STX8: variants seen among roughly 807,000 people sequenced by gnomAD.
STX8 encodes the protein syntaxin 8.
Under a neutral mutation model 37.5 loss-of-function variants are expected in STX8, and 23 were observed. The observed-to-expected ratio is 0.61, with a 90% confidence interval of 0.44 to 0.87. The LOEUF (loss-of-function observed/expected upper bound fraction) is 0.87. Ranked by LOEUF, STX8 falls within the 40% of genes least tolerant of loss-of-function variation. The pLI, the probability that STX8 is intolerant of heterozygous loss-of-function variation, is 0.00. For missense variants in STX8, 313 were observed against 284.7 expected, an observed-to-expected ratio of 1.10 and a Z score of -0.71; for synonymous variants, 115 against 99.1, an observed-to-expected ratio of 1.16 and a Z score of -0.95.
At chr17:9,524,400 G>A (rs1455752560) in intron 4 of STX8, among the ~76,000 whole-genome samples, 1 of 152,136 alleles carries the variant, frequency 6.6e-6, no homozygotes, top group Non-Finnish European at 1.5e-5. Flanking sequence ...CATGGGTGGT[G>A]CCTTCTACAT....
chr17:9,515,239 TAAAAAATTTTAA>T, intron 4 of STX8, among the ~76,000 whole-genome samples: 1 of 152,188 alleles, frequency 6.6e-6, no homozygotes, highest in Non-Finnish European at 1.5e-5. Context: ...CAGAAGGCAC[TAAAAAATTTTAA>T]ATAAATCTGT....
At chr17:9,396,707 A>T (rs887805202) in intron 6 of STX8, among the ~76,000 whole-genome samples, 3 of 142,500 alleles carry the variant, frequency 2.1e-5, no homozygotes, top group Non-Finnish European at 4.6e-5. Context: ...AGAGTGAAAC[A>T]CCATCTGAAA....
rs560874014 is a variant in STX8 at position 9,470,467 on chromosome 17, G to C, written c.541+21362C>G. ...CCACTTTGAGAAGCACATTCTCAGAGAACTCTGAGGATAAGCCAAGCTCAG... is the reference window on the plus strand; with the variant it reads ...CCACTTTGAGAAGCACATTCTCAGACAACTCTGAGGATAAGCCAAGCTCAG... On this transcript the variant is annotated intron_variant, in intron 6 of 7. Transcript: ENST00000306357. Among the ~76,000 whole-genome samples, 5 of 152,304 alleles carry C rather than the reference G, an allele frequency of 3.3e-5. No homozygotes were observed. In the East Asian group the frequency reaches 9.6e-4, roughly 29 times the overall value.
chr17:9,250,639 A>G lies in STX8; in HGVS notation c.650T>C (p.Ile217Thr). ...VDRKSASCGM[I>T]MVILLLLVAI... ...CACAAGCAGCAGTAAAATCACCATG[A>G]TCATCCCTGGAAAAAAGCAGCAGAA... is the stretch of plus-strand genomic sequence containing the variant. The change falls in exon 8 of 8, where the codon ATC (isoleucine) becomes ACC (threonine). Residue 217 changes from isoleucine to threonine, a missense_variant. By Grantham distance (89) the Ile-to-Thr change is moderately conservative. Transcript: ENST00000306357. 5 of 1,597,124 alleles carry G rather than the reference A, an allele frequency of 3.1e-6. No homozygotes were observed. Among genetic ancestry groups the G allele is most frequent in the Non-Finnish European group, 4.3e-6 (5 of 1,171,770 alleles).
intron 7 of STX8, among the ~76,000 whole-genome samples, chr17:9,270,461 A>G (rs191693071): frequency 6.6e-6 from 1 of 151,794 alleles, no homozygotes; most frequent in East Asian, 1.9e-4. Flanking sequence ...TCACCATGTT[A>G]GCCAGGAATG....
At chr17:9,530,250 G>T (rs1482801748) in intron 4 of STX8, among the ~76,000 whole-genome samples, 1 of 148,376 alleles carries the variant, frequency 6.7e-6, no homozygotes, top group Admixed American at 6.8e-5. Flanking sequence ...GGTGGGGCTT[G>T]CAGTGAGCCG....
At chr17:9,281,713 T>C (rs1187744026) in intron 7 of STX8, among the ~76,000 whole-genome samples, 1 of 152,128 alleles carries the variant, frequency 6.6e-6, no homozygotes, top group East Asian at 1.9e-4. Context: ...GCAGGTGGAT[T>C]ACCTGAGGTT....
At chr17:9,460,830 G>C (rs572827767) in intron 6 of STX8, among the ~76,000 whole-genome samples, 1 of 152,134 alleles carries the variant, frequency 6.6e-6, no homozygotes, top group Non-Finnish European at 1.5e-5. Context: ...CTTGGTAGCT[G>C]TGTGCCTTTC....
intron 7 of STX8, among the ~76,000 whole-genome samples, chr17:9,314,761 G>A (rs572285432): frequency 2.0e-5 from 3 of 150,706 alleles, no homozygotes; most frequent in East Asian, 4.0e-4. Context: ...CCCCCCAGCC[G>A]ACTGAATGGA....
intron 7 of STX8, among the ~76,000 whole-genome samples, chr17:9,329,138 T>G (rs1280603256): frequency 6.8e-6 from 1 of 147,734 alleles, no homozygotes; most frequent in Non-Finnish European, 1.5e-5. Flanking sequence ...TAAGGTGCTC[T>G]GGGATTCTGA....
chr17:9,331,626 G>A (rs990119510), intron 7 of STX8, among the ~76,000 whole-genome samples: 5 of 152,134 alleles, frequency 3.3e-5, no homozygotes, highest in Non-Finnish European at 7.3e-5. Context: ...TGAATTGGAC[G>A]TTTCCAAAAA....
chr17:9,345,056 T>TA (rs1910486339), intron 7 of STX8, among the ~76,000 whole-genome samples: 1 of 152,066 alleles, frequency 6.6e-6, no homozygotes, highest in African/African-American at 2.4e-5. Context: ...TTCCACAGGG[T>TA]AGCAGACGAG....
chr17:9,295,375 C>T (rs953919283), intron 7 of STX8, among the ~76,000 whole-genome samples: 3 of 152,162 alleles, frequency 2.0e-5, no homozygotes, highest in African/African-American at 7.2e-5. Flanking sequence ...GTCCTGGTCC[C>T]TAGCATGTAG....
At chr17:9,509,096 A>T (rs1030809657) in intron 4 of STX8, among the ~76,000 whole-genome samples, 3 of 152,134 alleles carry the variant, frequency 2.0e-5, no homozygotes, top group Non-Finnish European at 4.4e-5. Context: ...AAAATACAAA[A>T]AAATTAGCTG....
At chr17:9,327,088 C>T (rs988912237) in intron 7 of STX8, among the ~76,000 whole-genome samples, 3 of 150,072 alleles carry the variant, frequency 2.0e-5, no homozygotes, top group Non-Finnish European at 3.0e-5. Flanking sequence ...ACCTGGGAGG[C>T]GGAGGTTGCA....
rs137978304 is a variant in STX8 at position 9,265,816 on chromosome 17, G to A, written c.644-15171C>T. Among the ~76,000 whole-genome samples, 1,283 of 152,296 alleles carry A rather than the reference G, an allele frequency of 8.4e-3. 38 individuals are homozygous for A. The highest frequency in any genetic ancestry group is 0.053 in the Admixed American group (808 of 15,296). On this transcript the variant is annotated intron_variant, in intron 7 of 7. Coordinates refer to ENST00000306357, the MANE Select transcript of STX8 (RefSeq NM_004853.3). ...GTCCTAGTGTGTGTTTGTTGGGGGCGCTGGAGGGGGGCTTCAGTGTGTGAA... is the reference window on the plus strand; with the variant it reads ...GTCCTAGTGTGTGTTTGTTGGGGGCACTGGAGGGGGGCTTCAGTGTGTGAA...
At chr17:9,265,975 G>C (rs976023195) in intron 7 of STX8, among the ~76,000 whole-genome samples, 3 of 152,064 alleles carry the variant, frequency 2.0e-5, no homozygotes, top group Admixed American at 6.5e-5. Context: ...CCTTTCCCTC[G>C]AGTCCTAGGG....
chr17:9,302,623 T>G (rs1908826755), intron 7 of STX8, among the ~76,000 whole-genome samples: 1 of 152,166 alleles, frequency 6.6e-6, no homozygotes, highest in African/African-American at 2.4e-5. Flanking sequence ...ACACACTTCA[T>G]GCTCTTTTCC....
intron 7 of STX8, among the ~76,000 whole-genome samples, chr17:9,298,833 AAAACAAAACC>A (rs796283344): frequency 1.2e-4 from 18 of 152,130 alleles, no homozygotes; most frequent in African/African-American, 3.9e-4. Flanking sequence ...AAAACAAAAC[AAAACAAAACC>A]AAACCAAACC....
Sources: gnomAD v4.1 joint callset for allele counts (sites outside exome capture counted in the v4.1 genomes callset) on GRCh38, gnomAD v4.1.1 for gene constraint, MANE v1.5 for transcripts, NCBI Gene and HGNC (gene_info 2026-07-23, HGNC 2026-07-21) for gene names.